Variants in DLC1 observed in about 807,000 individuals in gnomAD.
The protein encoded by DLC1 is DLC1 Rho GTPase activating protein.
A neutral mutation model predicts 140.3 loss-of-function variants in DLC1; 54 were observed. That is an observed-to-expected ratio of 0.38 (90% CI 0.31 to 0.48). DLC1 has a LOEUF of 0.48. Among genes scored for constraint, DLC1 ranks in the 20% least tolerant of loss-of-function variants. DLC1 has a pLI of 0.96. For missense variants in DLC1, 2,536 were observed against 1,907.0 expected (o/e 1.33, Z -6.14); for synonymous variants, 986 against 728.1 (o/e 1.35, Z -5.70).
At chr8:13,149,703 T>C (rs543155073) in intron 5 of DLC1, among the ~76,000 whole-genome samples, 1 of 152,364 alleles carries the variant, frequency 6.6e-6, no homozygotes, top group East Asian at 1.9e-4. Context: ...ACCTGTGTAC[T>C]TGGCCAGCCT....
intron 4 of DLC1, among the ~76,000 whole-genome samples, chr8:13,359,393 G>C (rs1039165683): frequency 1.3e-5 from 2 of 152,154 alleles, no homozygotes; most frequent in Non-Finnish European, 2.9e-5. Context: ...CTGGGCAAAT[G>C]GGTCTTACTT....
chr8:13,321,408 C>T (rs535344369), intron 4 of DLC1, among the ~76,000 whole-genome samples: 7 of 151,692 alleles, frequency 4.6e-5, no homozygotes, highest in South Asian at 2.1e-4. Context: ...TGTGGTGGTG[C>T]GTGCCTGTAG....
intron 5 of DLC1, among the ~76,000 whole-genome samples, chr8:13,287,838 G>A (rs1055865234): frequency 6.6e-6 from 1 of 151,658 alleles, no homozygotes; most frequent in Non-Finnish European, 1.5e-5. Context: ...TGCCAATTAA[G>A]TGTAAAATAT....
chr8:13,166,909 A>AT (rs1020054644), intron 5 of DLC1, among the ~76,000 whole-genome samples: 17 of 152,150 alleles, frequency 1.1e-4, no homozygotes, highest in Middle Eastern at 3.4e-3. Context: ...AAAATACCTT[A>AT]TTTTTTTGGA....
intron 4 of DLC1, among the ~76,000 whole-genome samples, chr8:13,383,685 T>G (rs1836375509): frequency 6.6e-6 from 1 of 152,196 alleles, no homozygotes; most frequent in South Asian, 2.1e-4. Flanking sequence ...ATAAGACAGT[T>G]TGACTTCCTT....
intron 5 of DLC1, among the ~76,000 whole-genome samples, chr8:13,238,841 G>T (rs1829411952): frequency 6.6e-6 from 1 of 152,154 alleles, no homozygotes; most frequent in Admixed American, 6.5e-5. Context: ...CGTGCTTCCA[G>T]GAGGGGCGTG....
chr8:13,133,310 G>T, intron 5 of DLC1: 4 of 1,211,650 alleles, frequency 3.3e-6, no homozygotes, highest in African/African-American at 1.6e-5. Flanking sequence ...CGCTCCGCCA[G>T]CCGGGCCCTC....
At chr8:13,300,557 C>T (rs1202195143) in intron 5 of DLC1, among the ~76,000 whole-genome samples, 1 of 152,160 alleles carries the variant, frequency 6.6e-6, no homozygotes, top group Non-Finnish European at 1.5e-5. Context: ...ATGAGGAAGA[C>T]AGAAAGGAGG....
chr8:13,260,671 G>A (rs1196880774), intron 5 of DLC1, among the ~76,000 whole-genome samples: 5 of 152,172 alleles, frequency 3.3e-5, no homozygotes, highest in African/African-American at 7.2e-5. Context: ...ATGCTGGAAG[G>A]ATAAAAGTGT....
intron 2 of DLC1, among the ~76,000 whole-genome samples, chr8:13,410,895 A>AAT (rs1837754067): frequency 1.3e-5 from 2 of 152,136 alleles, no homozygotes; most frequent in Admixed American, 6.6e-5. Context: ...GTTGAATGAA[A>AAT]GAATGAATGA....
intron 4 of DLC1, among the ~76,000 whole-genome samples, chr8:13,335,224 G>A (rs566106761): frequency 5.3e-5 from 8 of 152,324 alleles, no homozygotes; most frequent in Admixed American, 4.6e-4. Context: ...GAAGCCTCTT[G>A]GAGGAGGAAG....
chr8:13,405,411 T>C (rs1478365502), intron 2 of DLC1, among the ~76,000 whole-genome samples: 1 of 152,246 alleles, frequency 6.6e-6, no homozygotes, highest in Non-Finnish European at 1.5e-5. Context: ...AACACAATTC[T>C]TTAAGTTACT....
At chr8:13,403,686 A>ACTCT (rs1837395491) in intron 2 of DLC1, among the ~76,000 whole-genome samples, 1 of 151,390 alleles carries the variant, frequency 6.6e-6, no homozygotes, top group Non-Finnish European at 1.5e-5. Context: ...CCCAGGCTGT[A>ACTCT]GTGCAGTGCA....
chr8:13,254,503 T>C (rs1830134404), intron 5 of DLC1, among the ~76,000 whole-genome samples: 1 of 152,218 alleles, frequency 6.6e-6, no homozygotes, highest in South Asian at 2.1e-4. Context: ...TTATATTGCA[T>C]GAATACAATT....
intron 1 of DLC1, among the ~76,000 whole-genome samples, chr8:13,603,954 AAAAGG>A (rs1805967449): frequency 6.6e-6 from 1 of 152,132 alleles, no homozygotes; most frequent in African/African-American, 2.4e-5. Context: ...TAATTGTCAG[AAAAGG>A]TAAATGGTGT....
intron 2 of DLC1, among the ~76,000 whole-genome samples, chr8:13,409,315 T>C (rs1837689977): frequency 6.6e-6 from 1 of 152,154 alleles, no homozygotes; most frequent in Admixed American, 6.6e-5. Context: ...TGATATACTC[T>C]CAATTAAGCC....
intron 4 of DLC1, among the ~76,000 whole-genome samples, chr8:13,356,171 G>T (rs974633998): frequency 6.7e-6 from 1 of 148,498 alleles, no homozygotes; most frequent in Non-Finnish European, 1.5e-5. Context: ...AGTTTAATTC[G>T]AATAATAACC....
intron 4 of DLC1, among the ~76,000 whole-genome samples, chr8:13,358,022 GTA>G (rs1387485310): frequency 9.2e-5 from 14 of 152,228 alleles, no homozygotes; most frequent in African/African-American, 3.4e-4. Context: ...AGATAAAACT[GTA>G]TAAAATTAGG....
At chr8:13,603,220 G>C (rs1349584657) in intron 1 of DLC1, among the ~76,000 whole-genome samples, 1 of 151,728 alleles carries the variant, frequency 6.6e-6, no homozygotes, top group Admixed American at 6.6e-5. Context: ...ACATCGTGAT[G>C]TTAGACATCA....
Sources: gnomAD v4.1 joint callset for allele counts (sites outside exome capture counted in the v4.1 genomes callset) on GRCh38, gnomAD v4.1.1 for gene constraint, MANE v1.5 for transcripts, NCBI Gene and HGNC (gene_info 2026-07-23, HGNC 2026-07-21) for gene names.